SEMA5A: variants seen among roughly 807,000 people sequenced by gnomAD.
SEMA5A encodes the protein semaphorin 5A, also known as semaphorin-5A.
A neutral mutation model predicts 135.5 loss-of-function variants in SEMA5A; 55 were observed. The observed-to-expected ratio is 0.41, with a 90% CI of 0.33 to 0.51. SEMA5A has a LOEUF of 0.51. Among genes scored for constraint, SEMA5A ranks in the 20% least tolerant of loss-of-function variants. The pLI is 0.37. For synonymous variants in SEMA5A, 580 were observed against 546.5 expected (o/e 1.06, Z -0.85); for missense variants, 1,290 against 1,419.9 (o/e 0.91, Z 1.47).
At chr5:9,280,977 G>C (rs1235952508) in intron 5 of SEMA5A, among the ~76,000 whole-genome samples, 1 of 152,118 alleles carries the variant, frequency 6.6e-6, no homozygotes, top group Non-Finnish European at 1.5e-5. Context: ...TTCTAGGCTT[G>C]AGAAAAACCA....
intron 3 of SEMA5A, among the ~76,000 whole-genome samples, chr5:9,356,325 C>T (rs578261432): frequency 2.0e-5 from 3 of 152,190 alleles, no homozygotes; most frequent in East Asian, 1.9e-4. Context: ...TGTGCATGTG[C>T]GTGCACACAC....
chr5:9,129,301 G>A (rs1741279031), intron 13 of SEMA5A, among the ~76,000 whole-genome samples: 1 of 152,260 alleles, frequency 6.6e-6, no homozygotes, highest in Non-Finnish European at 1.5e-5. Context: ...ACTCTGGCAG[G>A]GTAAGAATGT....
chr5:9,287,167 C>T (rs999475979), intron 5 of SEMA5A, among the ~76,000 whole-genome samples: 3 of 152,214 alleles, frequency 2.0e-5, no homozygotes, highest in African/African-American at 7.2e-5. Flanking sequence ...CAAGTACATG[C>T]ACACATGTGT....
chr5:9,103,915 T>C (rs1331231696), intron 16 of SEMA5A, among the ~76,000 whole-genome samples: 2 of 152,200 alleles, frequency 1.3e-5, no homozygotes, highest in Non-Finnish European at 2.9e-5. Context: ...ATAGTACTCT[T>C]ATGGTTGGCT....
In SEMA5A at chr5:9,229,728, T is replaced by TA. The variant is rs770820920; in HGVS notation, c.334-2762dup. On this transcript the variant is annotated intron_variant, in intron 6 of 22. Coordinates refer to ENST00000382496, the MANE Select transcript of SEMA5A (RefSeq NM_003966.3). ...CAAGATGTAATAAAACTTTTTCCTT[T>TA]AAAAAAAAAAAAAAAGCAAGAGCTT... Among the ~76,000 whole-genome samples, 704 of 134,912 alleles carry TA rather than the reference T, an allele frequency of 5.2e-3. 8 individuals carry two copies. The highest frequency in any genetic ancestry group is 0.015 in the Middle Eastern group (4 of 270). 88.5% of individuals were successfully genotyped at this position (134,912 alleles called of 152,430 possible).
At chr5:9,221,797 C>T (rs1747014751) in intron 8 of SEMA5A, among the ~76,000 whole-genome samples, 1 of 152,150 alleles carries the variant, frequency 6.6e-6, no homozygotes, top group Non-Finnish European at 1.5e-5. Context: ...GGGAAAAACC[C>T]TTTAGAACCT....
intron 4 of SEMA5A, among the ~76,000 whole-genome samples, chr5:9,323,033 G>A (rs953869484): frequency 1.3e-4 from 20 of 152,292 alleles, no homozygotes; most frequent in Admixed American, 1.1e-3. Context: ...CTCCCCTTGA[G>A]GAGAACAGTT....
At chr5:9,328,263 C>T (rs1752965258) in intron 4 of SEMA5A, among the ~76,000 whole-genome samples, 2 of 152,204 alleles carry the variant, frequency 1.3e-5, no homozygotes, top group Admixed American at 6.5e-5. Context: ...TCTAAGCACC[C>T]TCTACTCTCA....
chr5:9,133,798 T>TTTG (rs397996754), intron 13 of SEMA5A, among the ~76,000 whole-genome samples: 1 of 149,964 alleles, frequency 6.7e-6, no homozygotes, highest in African/African-American at 2.4e-5. Context: ...TTTTTTTTTT[T>TTTG]GAGACAGGTC....
chr5:9,100,334 T>C (rs1739558128), intron 16 of SEMA5A, among the ~76,000 whole-genome samples: 1 of 152,116 alleles, frequency 6.6e-6, no homozygotes, highest in Non-Finnish European at 1.5e-5. Flanking sequence ...GGCAAAATGG[T>C]GGTCAGTTCT....
At chr5:9,360,891 G>A (rs546338582) in intron 3 of SEMA5A, among the ~76,000 whole-genome samples, 122 of 152,284 alleles carry the variant, frequency 8.0e-4, no homozygotes, top group African/African-American at 2.8e-3. Flanking sequence ...AGGGGAGAGA[G>A]TATTAAGTTC....
chr5:9,086,382 C>T (rs1270246044), intron 16 of SEMA5A, among the ~76,000 whole-genome samples: 1 of 151,734 alleles, frequency 6.6e-6, no homozygotes, highest in African/African-American at 2.4e-5. Context: ...TGGGTGGACC[C>T]ACATGGAGGT....
intron 8 of SEMA5A, among the ~76,000 whole-genome samples, chr5:9,209,482 G>T (rs1057124015): frequency 2.0e-5 from 3 of 152,196 alleles, no homozygotes; most frequent in Middle Eastern, 6.8e-3. Flanking sequence ...GTTTTTATTG[G>T]AATGTTAATT....
intron 16 of SEMA5A, among the ~76,000 whole-genome samples, chr5:9,076,771 C>T (rs1738082983): frequency 6.6e-6 from 1 of 151,980 alleles, no homozygotes; most frequent in African/African-American, 2.4e-5. Flanking sequence ...AAAGCATGCA[C>T]CATCCATTCA....
At chr5:9,477,196 G>T (rs1759701747) in intron 1 of SEMA5A, among the ~76,000 whole-genome samples, 1 of 151,896 alleles carries the variant, frequency 6.6e-6, no homozygotes. Flanking sequence ...AGTTTCATGA[G>T]GCCTCACCAG....
chr5:9,341,835 A>AT (rs1328644193), intron 3 of SEMA5A, among the ~76,000 whole-genome samples: 1 of 151,716 alleles, frequency 6.6e-6, no homozygotes, highest in Non-Finnish European at 1.5e-5. Flanking sequence ...TCCAGCAATG[A>AT]TTTTTTATTG....
intron 15 of SEMA5A, among the ~76,000 whole-genome samples, chr5:9,112,207 T>C (rs1560927619): frequency 6.6e-6 from 1 of 152,238 alleles, no homozygotes; most frequent in Non-Finnish European, 1.5e-5. Context: ...ATTAATGACC[T>C]AGCACTGTTT....
At chr5:9,205,014 G>A (rs1206137184) in intron 8 of SEMA5A, among the ~76,000 whole-genome samples, 1 of 152,136 alleles carries the variant, frequency 6.6e-6, no homozygotes, top group Non-Finnish European at 1.5e-5. Flanking sequence ...GTTTATGGAA[G>A]ACTTATCTTC....
At chr5:9,207,942 G>A (rs1049678966) in intron 8 of SEMA5A, among the ~76,000 whole-genome samples, 10 of 151,962 alleles carry the variant, frequency 6.6e-5, no homozygotes, top group African/African-American at 1.9e-4. Context: ...AGATGGATGC[G>A]CACATTTGTG....
Sources: allele counts gnomAD v4.1 joint callset (sites outside exome capture counted in the v4.1 genomes callset), GRCh38; gene constraint gnomAD v4.1.1; transcripts MANE v1.5; gene names NCBI Gene and HGNC (gene_info 2026-07-23, HGNC 2026-07-21).